LATS2: variants seen among roughly 807,000 people sequenced by gnomAD.
LATS2 encodes the protein serine/threonine-protein kinase LATS2.
Under a neutral mutation model 76.0 loss-of-function variants are expected in LATS2, and 24 were observed. The observed-to-expected ratio is 0.32, with a 90% CI of 0.23 to 0.44. The LOEUF (loss-of-function observed/expected upper bound fraction) is 0.44, where lower values mean the gene tolerates loss of function less well. Among genes scored for constraint, LATS2 ranks in the 20% least tolerant of loss-of-function variants. The probability of loss-of-function intolerance (pLI) is 1.00; values close to 1 mark genes in which losing one functional copy is unlikely to be tolerated. For missense variants in LATS2, 1,286 were observed against 1,481.2 expected, an observed-to-expected ratio of 0.87 and a Z score of 2.16; for synonymous variants, 692 against 635.4, an observed-to-expected ratio of 1.09 and a Z score of -1.34.
intron 7 of LATS2, among the ~76,000 whole-genome samples, chr13:20,978,674 C>G (rs1204825497): frequency 6.6e-6 from 1 of 152,210 alleles, no homozygotes; most frequent in African/African-American, 2.4e-5. Flanking sequence ...TCCCCTTCCT[C>G]AGCCCACTCC....
chr13:20,984,697 G>C (rs1200117709), intron 4 of LATS2, among the ~76,000 whole-genome samples: 2 of 152,220 alleles, frequency 1.3e-5, no homozygotes, highest in East Asian at 1.9e-4. Flanking sequence ...AATGAAAAGA[G>C]ATCCCATGTT....
intron 2 of LATS2, among the ~76,000 whole-genome samples, chr13:21,000,378 C>CATAATA (rs746861687): frequency 5.7e-4 from 86 of 150,764 alleles, no homozygotes; most frequent in South Asian, 3.6e-3. Flanking sequence ...AAGACTCTGT[C>CATAATA]ATAATAATAA....
chr13:21,038,789 C>T (rs1209811724), intron 2 of LATS2: 3 of 152,176 alleles, frequency 2.0e-5, no homozygotes, highest in Non-Finnish European at 2.9e-5. Flanking sequence ...CCAGCCTGAC[C>T]ATCATGGAGA....
intron 1 of LATS2, among the ~76,000 whole-genome samples, chr13:21,047,375 A>G (rs560858014): frequency 6.6e-6 from 1 of 152,212 alleles, no homozygotes; most frequent in South Asian, 2.1e-4. Flanking sequence ...CATCCTCCCT[A>G]TTCTTCACCC....
In LATS2 at chr13:20,979,672, G is replaced by A. The variant is rs367839042; in HGVS notation, c.2772+19C>T. 4.1e-5 allele frequency: 58 copies of A among 1,416,360 alleles called. No homozygotes were observed. Among genetic ancestry groups the A allele is most frequent in the Non-Finnish European group, 5.6e-5 (56 of 1,001,484 alleles). 87.7% of individuals were successfully genotyped at this position (1,416,360 alleles called of 1,614,324 possible). On this transcript the variant is annotated intron_variant, in intron 7 of 7. Transcript: ENST00000382592. ...TCAGATGTCTACAGCAAGCAGATGC[G>A]TGGTTCCTCTCACATTACCTTCAGC...
chr13:20,975,661 G>C (rs917874167), intron 7 of LATS2, among the ~76,000 whole-genome samples: 13 of 152,164 alleles, frequency 8.5e-5, no homozygotes, highest in Admixed American at 7.9e-4. Flanking sequence ...AAAATGAAGA[G>C]AATGATGGTC....
chr13:21,007,156 T>C (rs1344536857), intron 2 of LATS2, among the ~76,000 whole-genome samples: 1 of 152,080 alleles, frequency 6.6e-6, no homozygotes, highest in African/African-American at 2.4e-5. Context: ...AAAGTTACAG[T>C]GTAACTTTGA....
Position 21,046,069 on chromosome 13 carries a change from A to T in LATS2, c.-43T>A, listed in dbSNP as rs913095058. 5.9e-6 allele frequency: 8 copies of T among 1,354,628 alleles called. No individual in the cohort carries two copies. The African/African-American group carries it at 1.2e-4, about 20-fold the overall frequency. The allele number at this position is 1,354,628 out of a possible 1,614,324, so 83.9% of individuals were successfully genotyped here. On this transcript the variant is annotated 5_prime_UTR_variant, in exon 2 of 8. Transcript: ENST00000382592. ...TTTACCATAAATACAATCTTCTTAA[A>T]GTGTTTTATTATTTAAAAAAAAAAA...
Position 21,035,154 on chromosome 13 carries a change from T to A in LATS2, c.342+10531A>T, listed in dbSNP as rs575614533. 2.0e-3 allele frequency among the ~76,000 whole-genome samples: 299 copies of A among 152,142 alleles called. 1 individual carries two copies. Among genetic ancestry groups the A allele is most frequent in the Middle Eastern group, 3.4e-3 (1 of 294 alleles). ...CGAGTAAAACCTAATATATAAAAAA[T>A]TGCATGATGAATGTGGCTTTAATTC... On this transcript the variant is annotated intron_variant, in intron 2 of 7. Transcript: ENST00000382592.
intron 2 of LATS2, among the ~76,000 whole-genome samples, chr13:21,016,575 C>T (rs555901648): frequency 4.6e-4 from 70 of 152,316 alleles, no homozygotes; most frequent in Middle Eastern, 3.4e-3. Context: ...CCACCATGCT[C>T]AGCCAGTTCA....
chr13:21,024,993 G>A (rs997848186), intron 2 of LATS2, among the ~76,000 whole-genome samples: 1 of 151,980 alleles, frequency 6.6e-6, no homozygotes, highest in Non-Finnish European at 1.5e-5. Flanking sequence ...ATAACTTTTT[G>A]CCTGGTTTTG....
At position 21,045,883 on chromosome 13, in the gene LATS2, A is replaced by T; in HGVS notation, c.144T>A (p.Asp48Glu). The T allele has an allele frequency of 6.2e-7, 1 of 1,614,202 alleles. No homozygotes were observed. Among genetic ancestry groups the T allele is most frequent in the East Asian group, 2.2e-5 (1 of 44,880 alleles). ...CATCTTTGCTCCCCAGGACTTTGGC[A>T]TCCAGGGAAGTGTCACTGTTTGGTC... The part of the protein sequence containing the change: ...PAGPNSDTSL[D>E]AKVLGSKDAT... The change falls in exon 2 of 8, where the codon GAT becomes GAA. Residue 48 changes from aspartate to glutamate, a missense_variant. Physicochemically the swap from Asp to Glu is conservative, Grantham distance 45. Around this residue, in one of 5 missense-constraint regions of LATS2, gnomAD observed 101 missense variants for 141.4 expected, o/e 0.71. Transcript: ENST00000382592.
At chr13:21,007,634 A>AC (rs1871358750) in intron 2 of LATS2, among the ~76,000 whole-genome samples, 1 of 1,150 alleles carries the variant, frequency 8.7e-4, no homozygotes, top group Admixed American at 0.023. Context: ...GTATATATAT[A>AC]TATATATATA....
At chr13:21,049,548 T>A (rs1309261875) in intron 1 of LATS2, among the ~76,000 whole-genome samples, 1 of 152,172 alleles carries the variant, frequency 6.6e-6, no homozygotes, top group East Asian at 1.9e-4. Flanking sequence ...TCACATTCCT[T>A]ACAGGAGCAG....
At chr13:21,049,062 T>A (rs1450129695) in intron 1 of LATS2, among the ~76,000 whole-genome samples, 3 of 152,062 alleles carry the variant, frequency 2.0e-5, no homozygotes, top group Non-Finnish European at 4.4e-5. Context: ...AGGAATGGAA[T>A]TCCAGCTAGA....
At chr13:21,051,625 T>C (rs1181941067) in intron 1 of LATS2, among the ~76,000 whole-genome samples, 1 of 151,920 alleles carries the variant, frequency 6.6e-6, no homozygotes, top group Non-Finnish European at 1.5e-5. Flanking sequence ...AGGAGAGCAG[T>C]GTCAGTGGTG....
Position 20,979,721 on chromosome 13 carries a change from C to T in LATS2, c.2742G>A (p.Leu914=). Residue 914 remains leucine (L), a synonymous_variant, in exon 7 of 8, where the codon TTG becomes TTA. Coordinates refer to ENST00000382592, the MANE Select transcript of LATS2 (RefSeq NM_014572.3). ...FEMLVGQPPF[L]APTPTETQLK... ...GCTGGGTTTCTGTGGGAGTAGGTGCCAAAAAGGGCGGCTGCCCCACCAGCA... is the reference window on the plus strand; with the variant it reads ...GCTGGGTTTCTGTGGGAGTAGGTGCTAAAAAGGGCGGCTGCCCCACCAGCA... 1 of 1,612,410 alleles carries T rather than the reference C, an allele frequency of 6.2e-7. No individual in the cohort carries two copies. Among genetic ancestry groups the T allele is most frequent in the Admixed American group, 1.7e-5 (1 of 59,930 alleles).
chr13:20,987,808 G>C (rs1336549806), intron 4 of LATS2, 73 bp downstream of exon 4: 1 of 1,518,594 alleles, frequency 6.6e-7, no homozygotes. Context: ...ACAGAAAAGG[G>C]ATTGTGCGTG....
At chr13:21,013,190 T>C (rs1002502516) in intron 2 of LATS2, among the ~76,000 whole-genome samples, 1 of 152,086 alleles carries the variant, frequency 6.6e-6, no homozygotes, top group Admixed American at 6.6e-5. Flanking sequence ...CCTGCTTAGG[T>C]GAGTTAGGCC....
Sources: gnomAD v4.1 joint callset for allele counts (sites outside exome capture counted in the v4.1 genomes callset) on GRCh38, gnomAD v4.1.1 for gene constraint, gnomAD v4.1.1 regional missense constraint, MANE v1.5 for transcripts, NCBI Gene and HGNC (gene_info 2026-07-23, HGNC 2026-07-21) for gene names.